The following LRRTM4 variants were observed in gnomAD, a reference collection of about 807,000 sequenced individuals.
The protein encoded by LRRTM4 is leucine rich repeat transmembrane neuronal 4, also known as leucine-rich repeat transmembrane neuronal protein 4.
Under a neutral mutation model 47.6 loss-of-function variants are expected in LRRTM4, and 25 were observed. The ratio of observed to expected loss-of-function variants is 0.53; its 90% CI spans 0.38 to 0.73. The LOEUF is 0.73. Among genes scored for constraint, LRRTM4 ranks in the 30% least tolerant of loss-of-function variants. The pLI, the probability that LRRTM4 is intolerant of heterozygous loss-of-function variation, is 0.00. For synonymous variants in LRRTM4, 311 were observed against 269.5 expected (o/e 1.15, Z -1.51); for missense variants, 638 against 713.4 (o/e 0.89, Z 1.20).
At chr2:77,310,909 T>G (rs1677434571) in intron 3 of LRRTM4, among the ~76,000 whole-genome samples, 1 of 151,312 alleles carries the variant, frequency 6.6e-6, no homozygotes, top group Admixed American at 6.6e-5. Context: ...GTGTGTGAGA[T>G]ATATTTACAC....
At chr2:77,502,402 A>G (rs888834352) in intron 3 of LRRTM4, among the ~76,000 whole-genome samples, 32 of 151,638 alleles carry the variant, frequency 2.1e-4, no homozygotes, top group Admixed American at 1.6e-3. Context: ...AAACTGGGCC[A>G]CACAAAACTG....
At chr2:77,375,047 A>T (rs1337410538) in intron 3 of LRRTM4, among the ~76,000 whole-genome samples, 1 of 151,688 alleles carries the variant, frequency 6.6e-6, no homozygotes, top group African/African-American at 2.4e-5. Context: ...AAATTTTTGT[A>T]ATACATTTTA....
chr2:77,250,140 A>C (rs1675563700), intron 3 of LRRTM4, among the ~76,000 whole-genome samples: 1 of 152,200 alleles, frequency 6.6e-6, no homozygotes, highest in South Asian at 2.1e-4. Flanking sequence ...ATAGTGAAAA[A>C]AAATCATAAT....
chr2:77,243,434 T>A (rs796645707), intron 3 of LRRTM4, among the ~76,000 whole-genome samples: 512 of 30,974 alleles, frequency 0.017, 96 homozygotes, highest in African/African-American at 0.021. Context: ...ATAAAAAAAA[T>A]AAAAAAAAAA....
chr2:76,815,604 T>G (rs1670876125), intron 3 of LRRTM4, among the ~76,000 whole-genome samples: 1 of 152,130 alleles, frequency 6.6e-6, no homozygotes, highest in Non-Finnish European at 1.5e-5. Context: ...AATACAAGCT[T>G]TTATTATTAG....
chr2:76,797,284 A>G (rs1675388043), intron 3 of LRRTM4, among the ~76,000 whole-genome samples: 1 of 152,146 alleles, frequency 6.6e-6, no homozygotes, highest in Non-Finnish European at 1.5e-5. Flanking sequence ...AAACCCTACA[A>G]GCCAGAAGAG....
chr2:77,196,276 A>T (rs867277732), intron 3 of LRRTM4, among the ~76,000 whole-genome samples: 2 of 152,196 alleles, frequency 1.3e-5, no homozygotes, highest in East Asian at 1.9e-4. Context: ...GGTAATAGGC[A>T]TATCTATCTA....
At chr2:76,865,447 G>T (rs955470663) in intron 3 of LRRTM4, among the ~76,000 whole-genome samples, 1 of 152,052 alleles carries the variant, frequency 6.6e-6, no homozygotes, top group African/African-American at 2.4e-5. Context: ...ATTAGAGAAA[G>T]TCCTATCCAA....
At chr2:77,236,422 C>T (rs909327480) in intron 3 of LRRTM4, among the ~76,000 whole-genome samples, 2 of 151,566 alleles carry the variant, frequency 1.3e-5, no homozygotes, top group Non-Finnish European at 2.9e-5. Flanking sequence ...TTGGTGGAAT[C>T]TTTAGGGTTT....
intron 3 of LRRTM4, among the ~76,000 whole-genome samples, chr2:77,496,099 T>C (rs1678353335): frequency 6.6e-6 from 1 of 151,938 alleles, no homozygotes; most frequent in Non-Finnish European, 1.5e-5. Context: ...TATCCCTAAG[T>C]ACTTCATATT....
chr2:76,907,208 T>C (rs1465621741), intron 3 of LRRTM4, among the ~76,000 whole-genome samples: 1 of 152,012 alleles, frequency 6.6e-6, no homozygotes, highest in Non-Finnish European at 1.5e-5. Flanking sequence ...ACTGCTCAAC[T>C]ACATGGAAAC....
chr2:76,830,612 T>G (rs1178755080), intron 3 of LRRTM4, among the ~76,000 whole-genome samples: 1 of 151,540 alleles, frequency 6.6e-6, no homozygotes, highest in Non-Finnish European at 1.5e-5. Flanking sequence ...ATCTTTTAGT[T>G]TCTGAAATTT....
intron 3 of LRRTM4, among the ~76,000 whole-genome samples, chr2:77,459,963 C>G (rs1393675400): frequency 6.7e-6 from 1 of 150,252 alleles, no homozygotes. Context: ...AATGCCATTT[C>G]ATCAAGTCCC....
chr2:77,080,179 A>G (rs1045801600), intron 3 of LRRTM4, among the ~76,000 whole-genome samples: 4 of 152,192 alleles, frequency 2.6e-5, no homozygotes, highest in South Asian at 2.1e-4. Flanking sequence ...GAAAAACTTA[A>G]TAACTCCCTT....
At chr2:77,190,114 A>C (rs1673625145) in intron 3 of LRRTM4, among the ~76,000 whole-genome samples, 1 of 151,920 alleles carries the variant, frequency 6.6e-6, no homozygotes, top group African/African-American at 2.4e-5. Context: ...TATCACCTGC[A>C]GGTCATTTTT....
At chr2:76,868,140 G>A (rs1672517291) in intron 3 of LRRTM4, among the ~76,000 whole-genome samples, 1 of 152,118 alleles carries the variant, frequency 6.6e-6, no homozygotes, top group Non-Finnish European at 1.5e-5. Flanking sequence ...GTCATCTGTT[G>A]ATATTAAGAA....
intron 3 of LRRTM4, among the ~76,000 whole-genome samples, chr2:77,033,775 T>TTTG (rs1678744103): frequency 6.6e-6 from 1 of 151,762 alleles, no homozygotes; most frequent in Non-Finnish European, 1.5e-5. Context: ...ATGTGGCTTG[T>TTTG]TTGTCTCTTA....
chr2:76,749,483 A>T (rs1431173070), intron 3 of LRRTM4, among the ~76,000 whole-genome samples: 2 of 152,166 alleles, frequency 1.3e-5, no homozygotes, highest in Non-Finnish European at 2.9e-5. Context: ...TAGTTTTAAA[A>T]AATAATCACA....
At chr2:77,089,491 C>T (rs571892654) in intron 3 of LRRTM4, among the ~76,000 whole-genome samples, 26 of 151,692 alleles carry the variant, frequency 1.7e-4, no homozygotes, top group South Asian at 4.2e-4. Flanking sequence ...CTTATTTCTG[C>T]GCCCCATCCC....
Sources: allele counts gnomAD v4.1 joint callset (sites outside exome capture counted in the v4.1 genomes callset), GRCh38; gene constraint gnomAD v4.1.1; transcripts MANE v1.5; gene names NCBI Gene and HGNC (gene_info 2026-07-23, HGNC 2026-07-21).